The following UNC5C variants were observed in gnomAD, a reference collection of about 807,000 sequenced individuals.
UNC5C encodes the protein unc-5 netrin receptor C, also known as netrin receptor UNC5C.
In UNC5C, 47 loss-of-function variants were observed where a neutral mutation model predicts 99.8. The observed-to-expected ratio is 0.47, with a 90% CI of 0.37 to 0.60. The LOEUF is 0.60. UNC5C is among the 20% of genes least tolerant of loss of function. The probability of loss-of-function intolerance (pLI) is 0.00; values close to 1 mark genes in which losing one functional copy is unlikely to be tolerated. For synonymous variants in UNC5C, 487 were observed against 452.2 expected (o/e 1.08, Z -0.98); for missense variants, 1,062 against 1,165.9 (o/e 0.91, Z 1.30).
At chr4:95,489,835 C>T (rs7697199) in intron 1 of UNC5C, among the ~76,000 whole-genome samples, 53,186 of 151,242 alleles carry the variant, frequency 0.35, 10,278 homozygotes, top group South Asian at 0.47. Flanking sequence ...ATGTGAGGAG[C>T]CTGTTTCAAG....
At chr4:95,419,475 G>A (rs1037496073) in intron 1 of UNC5C, among the ~76,000 whole-genome samples, 5 of 152,048 alleles carry the variant, frequency 3.3e-5, no homozygotes, top group African/African-American at 1.2e-4. Context: ...CTGGCTTTTT[G>A]AGAAAAGGTG....
chr4:95,257,516 C>T (rs763177561), intron 4 of UNC5C, among the ~76,000 whole-genome samples: 32 of 152,122 alleles, frequency 2.1e-4, no homozygotes, highest in Admixed American at 2.0e-4. Context: ...TATGAGTTGA[C>T]GGTATGTGGA....
intron 1 of UNC5C, among the ~76,000 whole-genome samples, chr4:95,441,457 T>C (rs1180030959): frequency 6.6e-6 from 1 of 152,210 alleles, no homozygotes; most frequent in East Asian, 1.9e-4. Context: ...GTGAAAAATA[T>C]GCCCAGGTTG....
chr4:95,424,502 A>ATTTTTTTTT (rs202226117), intron 1 of UNC5C, among the ~76,000 whole-genome samples: 1 of 95,834 alleles, frequency 1.0e-5, no homozygotes, highest in Non-Finnish European at 2.1e-5. Context: ...GGGCTTCAGA[A>ATTTTTTTTT]TTTTTTTTTT....
chr4:95,336,545 C>T (rs1161193789), intron 1 of UNC5C, among the ~76,000 whole-genome samples: 1 of 151,906 alleles, frequency 6.6e-6, no homozygotes, highest in Non-Finnish European at 1.5e-5. Flanking sequence ...CACATATTGT[C>T]TTGAAAGTCA....
intron 15 of UNC5C, 93 bp from the exon 16 acceptor site, chr4:95,169,492 A>C (rs1736001610): frequency 7.0e-7 from 1 of 1,424,608 alleles, no homozygotes; most frequent in South Asian, 1.3e-5. Context: ...CTTGTCTTTA[A>C]GTTTCCTGGT....
intron 1 of UNC5C, among the ~76,000 whole-genome samples, chr4:95,502,354 G>A (rs1721796526): frequency 1.3e-5 from 2 of 152,006 alleles, no homozygotes; most frequent in South Asian, 4.2e-4. Flanking sequence ...CTGCCGCCTT[G>A]AACTCCTGGG....
chr4:95,536,077 TA>T (rs1211172692), intron 1 of UNC5C, among the ~76,000 whole-genome samples: 1,723 of 121,938 alleles, frequency 0.014, 36 homozygotes, highest in African/African-American at 0.045. Context: ...TATATATATA[TA>T]TATATTTTTT....
intron 1 of UNC5C, among the ~76,000 whole-genome samples, chr4:95,544,978 G>A (rs1723019535): frequency 1.3e-5 from 2 of 152,224 alleles, no homozygotes; most frequent in South Asian, 4.1e-4. Context: ...ACTTGCTGTT[G>A]GCACTAATTG....
chr4:95,332,071 G>A (rs1335357839), intron 2 of UNC5C, among the ~76,000 whole-genome samples: 1 of 152,028 alleles, frequency 6.6e-6, no homozygotes, highest in East Asian at 1.9e-4. Context: ...AAATAAAAGA[G>A]GATACAAACA....
intron 1 of UNC5C, among the ~76,000 whole-genome samples, chr4:95,386,832 G>A (rs1269588122): frequency 3.3e-5 from 5 of 152,092 alleles, no homozygotes; most frequent in Non-Finnish European, 5.9e-5. Flanking sequence ...TTTAATGTGT[G>A]AAGCTGTGTT....
intron 1 of UNC5C, among the ~76,000 whole-genome samples, chr4:95,509,412 A>T (rs577109620): frequency 1.3e-5 from 2 of 151,858 alleles, no homozygotes; most frequent in Non-Finnish European, 2.9e-5. Context: ...CCTGAATTGT[A>T]GCTAGAAAAA....
chr4:95,347,149 A>G (rs1743805083), intron 1 of UNC5C, among the ~76,000 whole-genome samples: 1 of 152,032 alleles, frequency 6.6e-6, no homozygotes, highest in Non-Finnish European at 1.5e-5. Context: ...AAGTCAAGTA[A>G]ATAATCCCAT....
At chr4:95,193,957 C>CTGAGT (rs1491345894) in intron 12 of UNC5C, among the ~76,000 whole-genome samples, 1 of 144,726 alleles carries the variant, frequency 6.9e-6, no homozygotes, top group Non-Finnish European at 1.5e-5. Context: ...TGCTCTCCCC[C>CTGAGT]TGAGTTTGTC....
At chr4:95,229,441 CA>C (rs1291103465) in intron 7 of UNC5C, among the ~76,000 whole-genome samples, 1 of 152,132 alleles carries the variant, frequency 6.6e-6, no homozygotes, top group African/African-American at 2.4e-5. Context: ...CATGTCCCTG[CA>C]ATAAAACATG....
rs575963640 is a variant in UNC5C, at chr4:95,541,140, T to A, written c.124+7594A>T. On this transcript the variant is annotated intron_variant, in intron 1 of 15. Transcript: ENST00000453304. ...GTAAAGGTAAAGTAGTCCCCCTGCT[T>A]ATCTGCAGTTCACTTTCTGCAGTTT... Among the ~76,000 whole-genome samples the A allele has an allele frequency of 7.9e-5, 12 of 152,320 alleles. No homozygotes were observed. In the South Asian group the frequency reaches 2.3e-3, roughly 29 times the overall value.
intron 12 of UNC5C, among the ~76,000 whole-genome samples, chr4:95,195,754 TTC>T (rs1379499911): frequency 1.3e-5 from 2 of 152,158 alleles, no homozygotes; most frequent in Non-Finnish European, 2.9e-5. Context: ...CCAACCTCCT[TTC>T]TCTCTCTTCA....
intron 1 of UNC5C, among the ~76,000 whole-genome samples, chr4:95,378,545 G>C (rs2149441030): frequency 6.6e-6 from 1 of 152,212 alleles, no homozygotes; most frequent in African/African-American, 2.4e-5. Flanking sequence ...AATAGCTTTT[G>C]ATGGATCACC....
chr4:95,250,950 C>G (rs1739695093), intron 4 of UNC5C, among the ~76,000 whole-genome samples: 1 of 152,170 alleles, frequency 6.6e-6, no homozygotes, highest in Non-Finnish European at 1.5e-5. Context: ...ATACAGTGTT[C>G]AAATTGTTTT....
Sources: gnomAD v4.1 joint callset for allele counts (sites outside exome capture counted in the v4.1 genomes callset) on GRCh38, gnomAD v4.1.1 for gene constraint, MANE v1.5 for transcripts, NCBI Gene and HGNC (gene_info 2026-07-23, HGNC 2026-07-21) for gene names.